Variants in PSMD5 observed in about 807,000 individuals in gnomAD.
The protein encoded by PSMD5 is 26S proteasome non-ATPase regulatory subunit 5.
PSMD5 carries 40 observed loss-of-function variants against 52.1 expected under a neutral mutation model. The observed-to-expected ratio is 0.77, with a 90% CI of 0.60 to 1.00. The LOEUF (loss-of-function observed/expected upper bound fraction) is 1.00, where lower values mean the gene tolerates loss of function less well. PSMD5 is among the 50% of genes least tolerant of loss of function. PSMD5 has a pLI of 0.00. For synonymous variants in PSMD5, 211 were observed against 226.6 expected (o/e 0.93, Z 0.62); for missense variants, 575 against 605.2 (o/e 0.95, Z 0.52).
At chr9:120,822,775 C>A (rs955584318) in intron 7 of PSMD5, among the ~76,000 whole-genome samples, 4 of 152,126 alleles carry the variant, frequency 2.6e-5, no homozygotes, top group Non-Finnish European at 5.9e-5. Flanking sequence ...AATCTACCCA[C>A]CTTGGCCTCC....
chr9:120,839,364 A>C (rs1261013559), intron 1 of PSMD5, among the ~76,000 whole-genome samples: 2 of 152,236 alleles, frequency 1.3e-5, no homozygotes, highest in Non-Finnish European at 2.9e-5. Context: ...ATGTATGCTC[A>C]CTGGGGTTAC....
intron 1 of PSMD5, among the ~76,000 whole-genome samples, chr9:120,838,363 C>T (rs760662533): frequency 8.5e-5 from 13 of 152,290 alleles, no homozygotes; most frequent in South Asian, 2.1e-4. Context: ...TCTTTGCCAA[C>T]GAGCCAAAGA....
intron 9 of PSMD5, among the ~76,000 whole-genome samples, chr9:120,818,581 A>G (rs2045061394): frequency 6.6e-6 from 1 of 152,152 alleles, no homozygotes. Context: ...TAACCTCAAG[A>G]TACTCATATA....
Position 120,816,708 on chromosome 9 carries a change from C to T in PSMD5, c.*1198G>A, listed in dbSNP as rs1487071662. The T allele has an allele frequency of 6.6e-6, 1 of 152,190 alleles. No individual in the cohort carries two copies. 9.4% of individuals were successfully genotyped at this position (152,190 alleles called of 1,614,324 possible). A position where few individuals can be genotyped will look rare whatever the true frequency, so the allele number is the denominator to read the frequency against. On this transcript the variant is annotated 3_prime_UTR_variant, in exon 10 of 10. Transcript: ENST00000210313. ...TGATTTGGTGTGCAGAGTGCTTTGG[C>T]TTTGCTGTTTAGAGAGAAGAACACT...
In PSMD5 at chr9:120,816,663, T is replaced by A. The variant is rs2045044900; in HGVS notation, c.*1243A>T. On this transcript the variant is annotated 3_prime_UTR_variant, in exon 10 of 10. Coordinates refer to ENST00000210313, the MANE Select transcript of PSMD5 (RefSeq NM_005047.4). Reference sequence around the variant, plus strand: ...CCACGGCCTAAAAGAAATATGCTCATGCATAAACCTCTGAACAGGTGATTT... The same window carrying A: ...CCACGGCCTAAAAGAAATATGCTCAAGCATAAACCTCTGAACAGGTGATTT... The A allele has an allele frequency of 6.6e-6, 1 of 152,228 alleles. No homozygotes were observed. The highest frequency in any genetic ancestry group is 6.5e-5 in the Admixed American group (1 of 15,270). The allele number at this position is 152,228 out of a possible 1,614,324, so 9.4% of individuals were successfully genotyped here.
intron 1 of PSMD5, among the ~76,000 whole-genome samples, chr9:120,838,975 T>C (rs2045216139): frequency 6.6e-6 from 1 of 152,186 alleles, no homozygotes; most frequent in Non-Finnish European, 1.5e-5. Flanking sequence ...ATAGTGTCAA[T>C]TATCATTAAC....
In PSMD5 at chr9:120,817,791, A is replaced by G. The variant is rs2045053092; in HGVS notation, c.*115T>C. 8.4e-7 allele frequency: 1 copy of G among 1,192,702 alleles called. No homozygotes were observed. The highest frequency in any genetic ancestry group is 1.2e-6 in the Non-Finnish European group (1 of 847,496). The allele number at this position is 1,192,702 out of a possible 1,614,324, so 73.9% of individuals were successfully genotyped here. ...TGTTGGTAACAAAGTAACATCTGAC[A>G]TTCCATGATAATTCTTGGGGAAAGG... is the stretch of plus-strand genomic sequence containing the variant. On this transcript the variant is annotated 3_prime_UTR_variant, in exon 10 of 10. Transcript: ENST00000210313.
At chr9:120,834,124 T>C (rs536255036) in intron 1 of PSMD5, among the ~76,000 whole-genome samples, 1 of 151,736 alleles carries the variant, frequency 6.6e-6, no homozygotes, top group African/African-American at 2.4e-5. Context: ...GGACTACAGG[T>C]GCATGCCACC....
In PSMD5 at chr9:120,821,380, G is replaced by T; in HGVS notation, c.1091C>A (p.Ala364Glu). 1 of 1,600,686 alleles carries T rather than the reference G, an allele frequency of 6.2e-7. No homozygotes were observed. Among genetic ancestry groups the T allele is most frequent in the Non-Finnish European group, 8.5e-7 (1 of 1,171,084 alleles). ...PVELKIRCLDAISSLLYLPPE... is the reference protein window; with the variant it reads ...PVELKIRCLDEISSLLYLPPE... ...TGGTAAGTACAGAAGAGATGAAATT[G>T]CATCCAAACATCTAATTTTTAGCTC... is the stretch of plus-strand genomic sequence containing the variant. Residue 364 changes from alanine to glutamate, a missense_variant, in exon 8 of 10, where the codon GCA becomes GAA. Ala to Glu is a moderately radical substitution (Grantham distance 107). Transcript: ENST00000210313.
intron 2 of PSMD5, 64 bp downstream of exon 2, chr9:120,833,248 T>C (rs2045173329): frequency 1.3e-6 from 2 of 1,526,158 alleles, no homozygotes; most frequent in South Asian, 2.3e-5. Context: ...TTCATCTTTC[T>C]GTCCCAGTGC....
rs2045051480 is a variant in PSMD5 at position 120,817,544 on chromosome 9, T to A, written c.*362A>T. ...CTTGGCCTCCCAAAGTGCTGGGAATTATAGGTGTTAGCCACCGCGCCCAGC... is the reference window on the plus strand; with the variant it reads ...CTTGGCCTCCCAAAGTGCTGGGAATAATAGGTGTTAGCCACCGCGCCCAGC... On this transcript the variant is annotated 3_prime_UTR_variant, in exon 10 of 10. Transcript: ENST00000210313. The A allele has an allele frequency of 5.4e-6, 1 of 183,588 alleles. No individual in the cohort carries two copies. The highest frequency in any genetic ancestry group is 2.3e-5 in the African/African-American group (1 of 42,598). The allele number at this position is 183,588 out of a possible 1,614,324, so 11.4% of individuals were successfully genotyped here.
At chr9:120,825,706 A>G (rs1226605413) in intron 6 of PSMD5, among the ~76,000 whole-genome samples, 5 of 152,106 alleles carry the variant, frequency 3.3e-5, no homozygotes, top group Admixed American at 1.3e-4. Context: ...ATCTTTGATT[A>G]CTTTTTCAGA....
rs765327655 is a variant in PSMD5 at position 120,824,654 on chromosome 9, G to A, written c.846C>T (p.Val282=). ...GFVKFFGNLA[V]MDSPQQICER... is the part of the protein sequence containing the mutation. ...CACAGATCTGTTGAGGACTATCCATGACAGCCAGGTTTCCAAAAAACTTCA... is the reference window on the plus strand; with the variant it reads ...CACAGATCTGTTGAGGACTATCCATAACAGCCAGGTTTCCAAAAAACTTCA... Residue 282 remains valine, a synonymous_variant, in exon 7 of 10, where the codon GTC becomes GTT. Coordinates refer to ENST00000210313, the MANE Select transcript of PSMD5 (RefSeq NM_005047.4). 6.2e-7 allele frequency: 1 copy of A among 1,602,768 alleles called. No homozygotes were observed. The highest frequency in any genetic ancestry group is 8.5e-7 in the Non-Finnish European group (1 of 1,176,554).
At chr9:120,818,633 G>A (rs1235360338) in intron 9 of PSMD5, among the ~76,000 whole-genome samples, 1 of 151,840 alleles carries the variant, frequency 6.6e-6, no homozygotes, top group Non-Finnish European at 1.5e-5. Context: ...GGTATCATTT[G>A]TAAGATACTA....
Position 120,842,787 on chromosome 9 carries a change from C to T in PSMD5, c.123G>A (p.Ala41=). The T allele has an allele frequency of 6.2e-7, 1 of 1,612,906 alleles. No individual in the cohort carries two copies. Among genetic ancestry groups the T allele is most frequent in the South Asian group, 1.1e-5 (1 of 91,030 alleles). ...AVPLNELRQQ[A]AELRLGPLFS... ...AGAGCGGGCCGAGGCGCAGCTCCGC[C>T]GCTTGCTGGCGAAGCTCGTTGAGCG... The change falls in exon 1 of 10, where the codon GCG becomes GCA. Residue 41 remains alanine, a synonymous_variant. Coordinates refer to ENST00000210313, the MANE Select transcript of PSMD5 (RefSeq NM_005047.4).
chr9:120,833,481 T>C, intron 1 of PSMD5, 25 bp from the exon 2 acceptor site: 2 of 1,606,370 alleles, frequency 1.2e-6, no homozygotes, highest in East Asian at 2.2e-5. Flanking sequence ...ATAAATCTTA[T>C]TAGTTCATAT....
intron 7 of PSMD5, among the ~76,000 whole-genome samples, chr9:120,823,076 G>A (rs1056650963): frequency 2.0e-5 from 3 of 152,198 alleles, no homozygotes; most frequent in Admixed American, 6.5e-5. Flanking sequence ...CTCCTGAAGT[G>A]CTGGGATTAC....
intron 1 of PSMD5, among the ~76,000 whole-genome samples, chr9:120,835,792 AAGAGGAGG>A (rs1049626873): frequency 2.0e-5 from 3 of 152,052 alleles, no homozygotes; most frequent in Non-Finnish European, 2.9e-5. Flanking sequence ...AGGAACGGGG[AAGAGGAGG>A]AATGAGGATA....
At chr9:120,837,264 C>T (rs142472818) in intron 1 of PSMD5, among the ~76,000 whole-genome samples, 159 of 152,144 alleles carry the variant, frequency 1.0e-3, no homozygotes, top group African/African-American at 3.6e-3. Context: ...CCTCATGATC[C>T]GCCCACCTCA....
Sources: gnomAD v4.1 joint callset for allele counts (sites outside exome capture counted in the v4.1 genomes callset) on GRCh38, gnomAD v4.1.1 for gene constraint, MANE v1.5 for transcripts, NCBI Gene and HGNC (gene_info 2026-07-23, HGNC 2026-07-21) for gene names.